Variants in ITGB1 observed in about 807,000 individuals in gnomAD.
ITGB1 encodes the protein integrin subunit beta 1, also known as integrin beta-1.
Under a neutral mutation model 86.5 loss-of-function variants are expected in ITGB1, and 24 were observed. That is an observed-to-expected ratio of 0.28 (90% confidence interval 0.20 to 0.39). The LOEUF is 0.39. Among genes scored for constraint, ITGB1 ranks in the 10% least tolerant of loss-of-function variants. The probability of loss-of-function intolerance (pLI) is 1.00; values close to 1 mark genes in which losing one functional copy is unlikely to be tolerated. For missense variants in ITGB1, 556 were observed against 946.9 expected, an observed-to-expected ratio of 0.59 and a Z score of 5.42; for synonymous variants, 323 against 316.8, an observed-to-expected ratio of 1.02 and a Z score of -0.21.
intron 1 of ITGB1, among the ~76,000 whole-genome samples, chr10:32,942,921 G>C (rs1324560334): frequency 6.6e-6 from 1 of 152,098 alleles, no homozygotes; most frequent in Non-Finnish European, 1.5e-5. Context: ...GTGGGGGCCA[G>C]GGGAAGGGGC....
intron 1 of ITGB1, among the ~76,000 whole-genome samples, chr10:32,954,895 G>C (rs745468627): frequency 5.3e-5 from 8 of 152,118 alleles, no homozygotes; most frequent in Non-Finnish European, 1.0e-4. Context: ...TTTAAAGTTA[G>C]CTGACCTCTA....
intron 1 of ITGB1, chr10:32,951,906 G>A (rs990926218): frequency 2.6e-5 from 4 of 152,140 alleles, no homozygotes; most frequent in Admixed American, 6.6e-5. Flanking sequence ...CTTATTCCCC[G>A]TAATTTCAAT....
At chr10:32,914,350 A>G (rs911020450) in intron 11 of ITGB1, among the ~76,000 whole-genome samples, 5 of 152,236 alleles carry the variant, frequency 3.3e-5, no homozygotes, top group Non-Finnish European at 5.9e-5. Flanking sequence ...AAATGCTCCA[A>G]TTAAAAGACA....
intron 5 of ITGB1, among the ~76,000 whole-genome samples, chr10:32,926,765 C>T (rs1020152523): frequency 2.0e-5 from 3 of 152,150 alleles, no homozygotes; most frequent in Non-Finnish European, 4.4e-5. Flanking sequence ...CCTACAGTGA[C>T]CTCATCAAAG....
chr10:32,916,111 C>G (rs1465509889), intron 11 of ITGB1, among the ~76,000 whole-genome samples: 4 of 152,160 alleles, frequency 2.6e-5, no homozygotes, highest in African/African-American at 9.7e-5. Flanking sequence ...AATTCAACAG[C>G]CCTTCATGCT....
intron 1 of ITGB1, chr10:32,944,582 C>T (rs2095026913): frequency 3.8e-6 from 2 of 520,224 alleles, no homozygotes; most frequent in South Asian, 1.6e-5. Flanking sequence ...GAAACTCATC[C>T]GAGATGATGT....
At chr10:32,949,180 C>T (rs2095037945) in intron 1 of ITGB1, among the ~76,000 whole-genome samples, 1 of 152,076 alleles carries the variant, frequency 6.6e-6, no homozygotes, top group Admixed American at 6.5e-5. Flanking sequence ...CTATCTCCTC[C>T]AGGTAACTCA....
At chr10:32,913,988 C>G (rs538572287) in intron 11 of ITGB1, among the ~76,000 whole-genome samples, 1 of 152,294 alleles carries the variant, frequency 6.6e-6, no homozygotes, top group South Asian at 2.1e-4. Flanking sequence ...CTCTACAAGC[C>G]AGAAGAGAGT....
intron 13 of ITGB1, 39 bp downstream of exon 13, chr10:32,911,408 AG>A (rs2094912787): frequency 1.3e-6 from 2 of 1,534,468 alleles, no homozygotes; most frequent in South Asian, 2.2e-5. Flanking sequence ...GAGAGCCAAG[AG>A]GAAGTATCAA....
intron 15 of ITGB1, among the ~76,000 whole-genome samples, chr10:32,902,065 C>T (rs376761526): frequency 3.9e-4 from 60 of 152,138 alleles, no homozygotes; most frequent in African/African-American, 1.4e-3. Context: ...CGGGAATCCT[C>T]GGCTTTCACT....
At chr10:32,956,535 C>A (rs1488529704) in intron 1 of ITGB1, among the ~76,000 whole-genome samples, 1 of 152,052 alleles carries the variant, frequency 6.6e-6, no homozygotes, top group Non-Finnish European at 1.5e-5. Context: ...TAGTGAAATC[C>A]TGTCTCTACA....
At chr10:32,927,264 T>C (rs1444838504) in intron 5 of ITGB1, among the ~76,000 whole-genome samples, 1 of 152,186 alleles carries the variant, frequency 6.6e-6, no homozygotes, top group East Asian at 1.9e-4. Flanking sequence ...GCCTCATAAC[T>C]GTCAAATCTT....
chr10:32,920,667 G>A (rs1161072697), intron 9 of ITGB1, among the ~76,000 whole-genome samples: 1 of 151,878 alleles, frequency 6.6e-6, no homozygotes, highest in Non-Finnish European at 1.5e-5. Flanking sequence ...TACTAATTAG[G>A]AGGAGTCTTA....
At chr10:32,953,134 C>T (rs1298879311) in intron 1 of ITGB1, among the ~76,000 whole-genome samples, 1 of 152,222 alleles carries the variant, frequency 6.6e-6, no homozygotes, top group Non-Finnish European at 1.5e-5. Flanking sequence ...CCAACCTTCG[C>T]TCATACCATT....
intron 1 of ITGB1, among the ~76,000 whole-genome samples, chr10:32,946,053 A>T (rs1420922000): frequency 6.6e-6 from 1 of 152,254 alleles, no homozygotes; most frequent in Non-Finnish European, 1.5e-5. Flanking sequence ...AATTTTCAAC[A>T]AAATATAATT....
At chr10:32,906,602 A>C in intron 15 of ITGB1, 1 of 175,140 alleles carries the variant, frequency 5.7e-6, no homozygotes, top group Non-Finnish European at 1.2e-5. Context: ...TAAATAAATA[A>C]ATAAACAGAA....
chr10:32,951,517 C>T (rs952790014), intron 1 of ITGB1, among the ~76,000 whole-genome samples: 1 of 152,038 alleles, frequency 6.6e-6, no homozygotes, highest in Non-Finnish European at 1.5e-5. Flanking sequence ...ACAAAATTAA[C>T]TCAAGACTTC....
At position 32,921,520 on chromosome 10, in the gene ITGB1, T is replaced by C. The variant is rs576757590; in HGVS notation, c.1128+737A>G. Among the ~76,000 whole-genome samples the C allele has an allele frequency of 7.9e-5, 12 of 152,104 alleles. 1 individual carries two copies. Among genetic ancestry groups the C allele is most frequent in the Middle Eastern group, 3.4e-3 (1 of 294 alleles). On this transcript the variant is annotated intron_variant, in intron 9 of 15. Coordinates refer to ENST00000302278, the MANE Select transcript of ITGB1 (RefSeq NM_002211.4). ...TCTAAAATTCAAGCTGCCAAAGGGT[T>C]AGGGGGATGGGGGCTGAAAGTGGTG...
At chr10:32,903,550 G>A (rs2094888227) in intron 15 of ITGB1, among the ~76,000 whole-genome samples, 1 of 151,920 alleles carries the variant, frequency 6.6e-6, no homozygotes, top group African/African-American at 2.4e-5. Flanking sequence ...AAACCACTGT[G>A]ATTTCAGCTC....
Sources: gnomAD v4.1 joint callset for allele counts (sites outside exome capture counted in the v4.1 genomes callset) on GRCh38, gnomAD v4.1.1 for gene constraint, MANE v1.5 for transcripts, NCBI Gene and HGNC (gene_info 2026-07-23, HGNC 2026-07-21) for gene names.